PIK3C2G: variants seen among roughly 807,000 people sequenced by gnomAD.
PIK3C2G encodes the protein phosphatidylinositol 3-kinase C2 domain-containing subunit gamma.
PIK3C2G carries 168 observed loss-of-function variants against 181.1 expected under a neutral mutation model. The observed-to-expected ratio is 0.93, with a 90% CI of 0.82 to 1.05. PIK3C2G has a LOEUF of 1.05. Among genes scored for constraint, PIK3C2G ranks in the 50% least tolerant of loss-of-function variants. PIK3C2G has a pLI of 0.00. For synonymous variants in PIK3C2G, 573 were observed against 592.2 expected (o/e 0.97, Z 0.47); for missense variants, 1,869 against 1,732.8 (o/e 1.08, Z -1.40).
chr12:18,701,316 A>C, the PIK3C2G span, among the ~76,000 whole-genome samples: 1 of 152,304 alleles, frequency 6.6e-6, no homozygotes, highest in South Asian at 2.1e-4. Context: ...AGCTAACATA[A>C]GAAAAGAGGC....
intron 7 of PIK3C2G, among the ~76,000 whole-genome samples, chr12:18,324,278 C>T (rs1284500661): frequency 6.6e-6 from 1 of 151,818 alleles, no homozygotes; most frequent in Non-Finnish European, 1.5e-5. Context: ...TCCCCTTTCA[C>T]TGACTTTTAC....
At chr12:18,443,370 C>G (rs1946851703) in intron 18 of PIK3C2G, among the ~76,000 whole-genome samples, 1 of 151,874 alleles carries the variant, frequency 6.6e-6, no homozygotes, top group Admixed American at 6.6e-5. Flanking sequence ...TAAAAAATAT[C>G]AGTATATTTA....
At chr12:18,526,461 A>G (rs1263358026) in intron 24 of PIK3C2G, among the ~76,000 whole-genome samples, 1 of 152,192 alleles carries the variant, frequency 6.6e-6, no homozygotes, top group Non-Finnish European at 1.5e-5. Context: ...AGCACCAAGC[A>G]TAGAGCAGAG....
At chr12:18,359,361 T>C (rs1941032611) in intron 11 of PIK3C2G, among the ~76,000 whole-genome samples, 1 of 152,222 alleles carries the variant, frequency 6.6e-6, no homozygotes, top group Non-Finnish European at 1.5e-5. Context: ...ACATGTCATC[T>C]AGCCTGGAGG....
In PIK3C2G at chr12:18,399,848, G is replaced by A; in HGVS notation, c.2315+1G>A. The A allele has an allele frequency of 6.4e-7, 1 of 1,559,308 alleles. No homozygotes were observed. The highest frequency in any genetic ancestry group is 8.8e-7 in the Non-Finnish European group (1 of 1,142,516). On this transcript the variant is annotated splice_donor_variant, in intron 16 of 32. Coordinates refer to ENST00000538779, the MANE Select transcript of PIK3C2G (RefSeq NM_001288772.2). LOFTEE classifies it high-confidence loss of function. The stretch of plus-strand genomic sequence containing the variant: ...AGGCTCTTGGGCTTTTGACTTCCAG[G>A]TAAGAATTGCATAACAAGCATGATA...
Position 18,599,457 on chromosome 12 carries a change from A to C in PIK3C2G, c.4087+4888A>C, listed in dbSNP as rs552767838. On this transcript the variant is annotated intron_variant, in intron 30 of 32. Transcript: ENST00000538779. ...GGTGGGAATTGAACAATGAGAACAC[A>C]TGGACACAGGAAGGGGAACATCACA... is the stretch of plus-strand genomic sequence containing the variant. 1.0e-3 allele frequency among the ~76,000 whole-genome samples: 150 copies of C among 150,258 alleles called. 1 individual carries two copies. The East Asian group carries it at 0.029, about 29-fold the overall frequency.
chr12:18,391,095 C>T (rs552519961), intron 14 of PIK3C2G, 27 bp from the exon 15 acceptor site: 5 of 1,576,336 alleles, frequency 3.2e-6, no homozygotes, highest in Middle Eastern at 1.7e-4. Context: ...ACCTTCAACA[C>T]ATGGCAAATC....
intron 29 of PIK3C2G, among the ~76,000 whole-genome samples, chr12:18,588,173 C>T (rs898089028): frequency 6.6e-6 from 1 of 151,858 alleles, no homozygotes; most frequent in African/African-American, 2.4e-5. Flanking sequence ...AACAATACCA[C>T]TATGAACATA....
At chr12:18,683,033 G>A in the PIK3C2G span, 24 of 552,516 alleles carry the variant, frequency 4.3e-5, 1 homozygote, top group South Asian at 3.9e-4. Context: ...AAACAAGAAC[G>A]CCATGCTGGG....
intron 28 of PIK3C2G, 109 bp downstream of exon 28, chr12:18,563,607 T>C (rs1388276655): frequency 1.1e-6 from 1 of 947,364 alleles, no homozygotes; most frequent in African/African-American, 1.6e-5. Flanking sequence ...GTATTCTGAC[T>C]CCAATGCCAT....
chr12:18,505,483 A>G, intron 24 of PIK3C2G, 22 bp downstream of exon 24: 1 of 1,587,896 alleles, frequency 6.3e-7, no homozygotes. Context: ...AATGTTTATT[A>G]CAGTAATTAA....
intron 1 of PIK3C2G, among the ~76,000 whole-genome samples, chr12:18,270,770 T>C (rs1948714403): frequency 6.6e-6 from 1 of 152,164 alleles, no homozygotes; most frequent in African/African-American, 2.4e-5. Context: ...ATGCCTGAAG[T>C]TGTTTACTAA....
intron 30 of PIK3C2G, among the ~76,000 whole-genome samples, chr12:18,603,429 A>G (rs1197033942): frequency 1.3e-5 from 2 of 152,176 alleles, no homozygotes; most frequent in Non-Finnish European, 2.9e-5. Context: ...AGACATTTCT[A>G]AAAGCTTGGA....
the PIK3C2G span, among the ~76,000 whole-genome samples, chr12:18,700,512 CA>C: frequency 0.072 from 4,798 of 66,824 alleles, 31 homozygotes; most frequent in Middle Eastern, 0.18. Context: ...AGCCAACGTA[CA>C]AAAAAAAAAA....
chr12:18,586,966 A>C (rs562889581), intron 29 of PIK3C2G, among the ~76,000 whole-genome samples: 3 of 152,300 alleles, frequency 2.0e-5, no homozygotes, highest in African/African-American at 7.2e-5. Context: ...CCACATGACT[A>C]TCCCAATAGA....
At chr12:18,321,085 G>C (rs961203176) in intron 7 of PIK3C2G, 53 bp downstream of exon 7, 18 of 920,888 alleles carry the variant, frequency 2.0e-5, no homozygotes, top group African/African-American at 5.1e-5. Context: ...GTTCTCAAAT[G>C]TCAAATCTCA....
intron 6 of PIK3C2G, among the ~76,000 whole-genome samples, chr12:18,320,467 C>T (rs1951059197): frequency 6.6e-6 from 1 of 152,148 alleles, no homozygotes; most frequent in African/African-American, 2.4e-5. Flanking sequence ...CATTAATTAG[C>T]ATAATTTAGT....
At chr12:18,483,965 C>G (rs548270923) in intron 18 of PIK3C2G, among the ~76,000 whole-genome samples, 1 of 152,126 alleles carries the variant, frequency 6.6e-6, no homozygotes, top group Admixed American at 6.6e-5. Flanking sequence ...AAAGGAACAG[C>G]CTCCTACTGG....
At chr12:18,602,204 G>A (rs1388168969) in intron 30 of PIK3C2G, among the ~76,000 whole-genome samples, 1 of 152,108 alleles carries the variant, frequency 6.6e-6, no homozygotes, top group African/African-American at 2.4e-5. Context: ...CACGGTGGGA[G>A]TGAGACTGGC....
Sources: allele counts gnomAD v4.1 joint callset (sites outside exome capture counted in the v4.1 genomes callset), GRCh38; gene constraint gnomAD v4.1.1; transcripts MANE v1.5; gene names NCBI Gene and HGNC (gene_info 2026-07-23, HGNC 2026-07-21).